PRDM14: variants seen among roughly 807,000 people sequenced by gnomAD.
PRDM14 encodes the protein PR/SET domain 14.
PRDM14 carries 16 observed loss-of-function variants against 48.0 expected under a neutral mutation model. The observed-to-expected ratio is 0.33, with a 90% CI of 0.23 to 0.51. The LOEUF (loss-of-function observed/expected upper bound fraction) is 0.51. Among genes scored for constraint, PRDM14 ranks in the 20% least tolerant of loss-of-function variants. The probability of loss-of-function intolerance (pLI) is 0.97; values close to 1 mark genes in which losing one functional copy is unlikely to be tolerated. For missense variants in PRDM14, 566 were observed against 719.6 expected, an observed-to-expected ratio of 0.79 and a Z score of 2.44; for synonymous variants, 264 against 276.6, an observed-to-expected ratio of 0.95 and a Z score of 0.45.
intron 6 of PRDM14, among the ~76,000 whole-genome samples, chr8:70,056,152 T>C (rs979556040): frequency 2.6e-5 from 4 of 152,238 alleles, no homozygotes; most frequent in Non-Finnish European, 4.4e-5. Flanking sequence ...GCAGATTATC[T>C]GAGACGTGTT....
At chr8:70,062,296 C>T (rs560330768) in intron 5 of PRDM14, among the ~76,000 whole-genome samples, 52 of 152,244 alleles carry the variant, frequency 3.4e-4, no homozygotes, top group African/African-American at 1.1e-3. Flanking sequence ...CCTCTGATAT[C>T]GGCATACTAT....
chr8:70,060,979 C>T (rs1805572176), intron 5 of PRDM14, among the ~76,000 whole-genome samples: 1 of 152,200 alleles, frequency 6.6e-6, no homozygotes, highest in African/African-American at 2.4e-5. Flanking sequence ...TTCCCTAATG[C>T]ACAGGGTTAC....
chr8:70,057,814 CA>C (rs1805501351), intron 6 of PRDM14, among the ~76,000 whole-genome samples: 1 of 152,082 alleles, frequency 6.6e-6, no homozygotes, highest in Admixed American at 6.6e-5. Flanking sequence ...TAAATGTATT[CA>C]AATTTTATAG....
intron 5 of PRDM14, among the ~76,000 whole-genome samples, chr8:70,064,666 A>G (rs948637786): frequency 3.3e-5 from 5 of 151,768 alleles, no homozygotes; most frequent in African/African-American, 1.2e-4. Context: ...CTGGGACTAC[A>G]GGGGCCCGCC....
chr8:70,053,137 A>C (rs1805417342), intron 7 of PRDM14, among the ~76,000 whole-genome samples: 1 of 139,278 alleles, frequency 7.2e-6, no homozygotes. Flanking sequence ...TACCAACCCC[A>C]CCCAAGAGAG....
chr8:70,070,823 A>T (rs972732124), intron 1 of PRDM14, among the ~76,000 whole-genome samples: 6 of 152,204 alleles, frequency 3.9e-5, no homozygotes, highest in African/African-American at 1.4e-4. Flanking sequence ...AGGCTGAAGA[A>T]TGAAGCCCCT....
At position 70,062,244 on chromosome 8, in the gene PRDM14, C is replaced by G. The variant is rs186066601; in HGVS notation, c.1184-3402G>C. Among the ~76,000 whole-genome samples, 76 of 152,342 alleles carry G rather than the reference C, an allele frequency of 5.0e-4. 1 individual carries two copies. Among genetic ancestry groups the G allele is most frequent in the African/African-American group, 1.8e-3 (74 of 41,594 alleles). On this transcript the variant is annotated intron_variant, in intron 5 of 7. Transcript: ENST00000276594. ...ATCTGCATGCTGGGTATCCCCTGCACTTAACCATCATAAGCCCTCATTCTG... is the reference window on the plus strand; with the variant it reads ...ATCTGCATGCTGGGTATCCCCTGCAGTTAACCATCATAAGCCCTCATTCTG...
At position 70,069,547 on chromosome 8, in the gene PRDM14, G is replaced by A. The variant is rs141129543; in HGVS notation, c.314C>T (p.Pro105Leu). 12 of 1,608,756 alleles carry A rather than the reference G, an allele frequency of 7.5e-6. No individual in the cohort carries two copies. In the African/African-American group the frequency reaches 1.6e-4, roughly 21 times the overall value. Residue 105 changes from proline (P) to leucine (L), a missense_variant, in exon 2 of 8, where the codon CCC becomes CTC. Coordinates refer to ENST00000276594, the MANE Select transcript of PRDM14 (RefSeq NM_024504.4). ...GGGCGGCACTTCCCTGGGGACGTGG[G>A]GAATTGGGTACCACGGTGGCAGCTT... ...YSKLPPWYPI[P>L]HVPREVPPFL...
At chr8:70,063,501 C>T (rs1805617986) in intron 5 of PRDM14, among the ~76,000 whole-genome samples, 1 of 151,912 alleles carries the variant, frequency 6.6e-6, no homozygotes, top group Non-Finnish European at 1.5e-5. Flanking sequence ...ATACTTTTCT[C>T]AAATCCATTG....
intron 5 of PRDM14, 63 bp from the exon 6 acceptor site, chr8:70,058,905 A>G: frequency 7.9e-7 from 1 of 1,271,558 alleles, no homozygotes; most frequent in Non-Finnish European, 1.1e-6. Context: ...CTTCAAGAGG[A>G]TATTTATTTA....
intron 2 of PRDM14, 31 bp downstream of exon 2, chr8:70,069,130 T>C (rs1331036964): frequency 1.4e-6 from 2 of 1,446,608 alleles, no homozygotes; most frequent in East Asian, 2.4e-5. Flanking sequence ...CCCGTCCAAT[T>C]CGACTCCCAA....
At chr8:70,052,465 C>G (rs972870259) in intron 7 of PRDM14, among the ~76,000 whole-genome samples, 161 bp from the exon 8 acceptor site, 1 of 152,148 alleles carries the variant, frequency 6.6e-6, no homozygotes, top group Non-Finnish European at 1.5e-5. Context: ...AGCCTTAATC[C>G]GAAAGGACTC....
chr8:70,063,586 C>T (rs924924137), intron 5 of PRDM14, among the ~76,000 whole-genome samples: 5 of 151,856 alleles, frequency 3.3e-5, no homozygotes, highest in East Asian at 1.9e-4. Context: ...TGCAGTGGCG[C>T]CATCTCAGCT....
chr8:70,056,457 C>T (rs1219027610), intron 6 of PRDM14, among the ~76,000 whole-genome samples: 1 of 152,144 alleles, frequency 6.6e-6, no homozygotes. Context: ...GAGGAGAGAG[C>T]AAATCTTTGT....
rs188954619 is a variant in PRDM14 at position 70,061,156 on chromosome 8, C to T, written c.1184-2314G>A. On this transcript the variant is annotated intron_variant, in intron 5 of 7. Coordinates refer to ENST00000276594, the MANE Select transcript of PRDM14 (RefSeq NM_024504.4). ...CTAGACTCTAGCAAAGCAGGTCCCA[C>T]GTCCAGGGGTGTCTATGTGTTGGGG... 5.6e-4 allele frequency among the ~76,000 whole-genome samples: 86 copies of T among 152,248 alleles called. 1 individual carries two copies. Among genetic ancestry groups the T allele is most frequent in the Middle Eastern group, 3.4e-3 (1 of 294 alleles).
intron 6 of PRDM14, among the ~76,000 whole-genome samples, chr8:70,057,134 T>C (rs1805488416): frequency 6.7e-6 from 1 of 148,194 alleles, no homozygotes; most frequent in African/African-American, 2.5e-5. Context: ...CCTGGCTAAT[T>C]TTTTGTATTT....
intron 2 of PRDM14, 142 bp from the exon 3 acceptor site, chr8:70,068,674 A>AT (rs1312662620): frequency 2.8e-6 from 2 of 723,604 alleles, no homozygotes; most frequent in Admixed American, 4.6e-5. Flanking sequence ...TTCCCTGCTC[A>AT]TTTTACATGG....
rs1451091194 is a variant in PRDM14, at chr8:70,058,688, C to T, written c.1338G>A (p.Arg446=). 3.7e-6 allele frequency: 6 copies of T among 1,613,968 alleles called. No homozygotes were observed. Among genetic ancestry groups the T allele is most frequent in the Non-Finnish European group, 5.1e-6 (6 of 1,179,996 alleles). Residue 446 remains arginine, a synonymous_variant, in exon 6 of 8, where the codon CGG becomes CGA. Coordinates refer to ENST00000276594, the MANE Select transcript of PRDM14 (RefSeq NM_024504.4). The stretch of plus-strand genomic sequence containing the variant: ...GAACATGAAGAATGTGGATCCGAAG[C>T]CGGTCCCGCTTCTCAAAGGATCGTT... ...LCKRSFEKRD[R]LRIHILHVHE...
rs146834947 is a variant in PRDM14 at position 70,056,229 on chromosome 8, T to C, written c.1387-828A>G. The stretch of plus-strand genomic sequence containing the variant: ...AATAATTAATATTGTTTCTTGACCC[T>C]GGCAACTCCTCTCGAAACTGTCTCA... On this transcript the variant is annotated intron_variant, in intron 6 of 7. Transcript: ENST00000276594. Among the ~76,000 whole-genome samples, 16 of 152,358 alleles carry C rather than the reference T, an allele frequency of 1.1e-4. No individual in the cohort carries two copies. In the East Asian group the frequency reaches 3.1e-3, roughly 29 times the overall value.
Sources: allele counts gnomAD v4.1 joint callset (sites outside exome capture counted in the v4.1 genomes callset), GRCh38; gene constraint gnomAD v4.1.1; transcripts MANE v1.5; gene names NCBI Gene and HGNC (gene_info 2026-07-23, HGNC 2026-07-21).